Variants in NUP214 observed in about 807,000 individuals in gnomAD.
The protein encoded by NUP214 is nucleoporin 214.
In NUP214, 79 loss-of-function variants were observed where a neutral mutation model predicts 196.2. The ratio of observed to expected loss-of-function variants is 0.40; its 90% CI spans 0.34 to 0.49. The LOEUF (loss-of-function observed/expected upper bound fraction) is 0.49. Ranked by LOEUF, NUP214 falls within the 20% of genes least tolerant of loss-of-function variation. NUP214 has a pLI of 0.58. For synonymous variants in NUP214, 1,020 were observed against 990.5 expected (o/e 1.03, Z -0.56); for missense variants, 2,468 against 2,539.0 (o/e 0.97, Z 0.60).
chr9:131,233,293 G>A (rs534211945), intron 35 of NUP214, among the ~76,000 whole-genome samples, 161 bp from the exon 36 acceptor site: 49 of 151,912 alleles, frequency 3.2e-4, no homozygotes, highest in African/African-American at 1.2e-3. Flanking sequence ...CTGAGATCAC[G>A]CCACTGCACT....
chr9:131,153,835 T>C (rs1044306020), intron 17 of NUP214, among the ~76,000 whole-genome samples: 3 of 152,202 alleles, frequency 2.0e-5, no homozygotes, highest in African/African-American at 7.2e-5. Flanking sequence ...CATGCAGGTT[T>C]ACAATTCACT....
chr9:131,190,194 G>A (rs142087412), intron 26 of NUP214: 177 of 392,500 alleles, frequency 4.5e-4, no homozygotes, highest in African/African-American at 3.5e-3. Context: ...TTCTCGACCG[G>A]GGCCTAAAGC....
At position 131,146,227 on chromosome 9, in the gene NUP214, C is replaced by A; in HGVS notation, c.1868C>A (p.Pro623Gln). 1 of 1,614,164 alleles carries A rather than the reference C, an allele frequency of 6.2e-7. No individual in the cohort carries two copies. The highest frequency in any genetic ancestry group is 8.5e-7 in the Non-Finnish European group (1 of 1,180,028). ...SSASKPAASG[P>Q]LSHPTPLSAP... ...GCCTCCAAGCCAGCTGCTTCTGGAC[C>A]ACTCAGCCACCCCACACCTCTCTCA... The change falls in exon 13 of 36, where the codon CCA becomes CAA. Residue 623 changes from proline (P) to glutamine (Q), a missense_variant. By Grantham distance (76) the Pro-to-Gln change is moderately conservative (BLOSUM62 -1). Coordinates refer to ENST00000359428, the MANE Select transcript of NUP214 (RefSeq NM_005085.4). This position sits in a 1 kb window ranked among gnomAD's most constrained non-coding sequence, Gnocchi z 4.6.
intron 17 of NUP214, among the ~76,000 whole-genome samples, chr9:131,152,684 G>A (rs980885266): frequency 9.2e-5 from 14 of 152,080 alleles, no homozygotes; most frequent in African/African-American, 3.4e-4. Context: ...TAAGTAGCTT[G>A]TCCAAAGTCA....
In NUP214 at chr9:131,198,109, A is replaced by G; in HGVS notation, c.4615A>G (p.Lys1539Glu). 6.2e-7 allele frequency: 1 copy of G among 1,614,186 alleles called. No homozygotes were observed. Among genetic ancestry groups the G allele is most frequent in the Non-Finnish European group, 8.5e-7 (1 of 1,180,032 alleles). Reference sequence around the variant, plus strand: ...TCCGCAAACTTCTGACTCTGTTAAAAAAGAACCTGTTCTTGCCCAGCCTGC... The same window carrying G: ...TCCGCAAACTTCTGACTCTGTTAAAGAAGAACCTGTTCTTGCCCAGCCTGC... The part of the protein sequence containing the change: ...APPQTSDSVK[K>E]EPVLAQPAVS... Residue 1539 changes from lysine (K) to glutamate (E), a missense_variant, in exon 29 of 36, where the codon AAA becomes GAA. Coordinates refer to ENST00000359428, the MANE Select transcript of NUP214 (RefSeq NM_005085.4).
intron 31 of NUP214, among the ~76,000 whole-genome samples, chr9:131,218,693 C>T (rs1236197703): frequency 6.6e-6 from 1 of 152,118 alleles, no homozygotes; most frequent in African/African-American, 2.4e-5. Flanking sequence ...CATGCCAAAC[C>T]CGAGTCTTAA....
chr9:131,128,932 G>A (rs1831446161), intron 3 of NUP214: 1 of 338,198 alleles, frequency 3.0e-6, no homozygotes, highest in South Asian at 2.8e-5. Flanking sequence ...TATAGGTAGA[G>A]AAACAGGCTC....
chr9:131,233,622 A>C lies in NUP214; in HGVS notation c.*135A>C. On this transcript the variant is annotated 3_prime_UTR_variant, in exon 36 of 36. Transcript: ENST00000359428. ...CACCCAGAAAGAAACAACAGAAACC[A>C]AAACTCACAAGGCGCATGATTACTT... 3.3e-6 allele frequency: 3 copies of C among 917,388 alleles called. No individual in the cohort carries two copies. Among genetic ancestry groups the C allele is most frequent in the Non-Finnish European group, 5.2e-6 (3 of 577,792 alleles). The allele number at this position is 917,388 out of a possible 1,614,324, so 56.8% of individuals were successfully genotyped here.
intron 10 of NUP214, among the ~76,000 whole-genome samples, chr9:131,139,929 A>G (rs184978875): frequency 2.4e-4 from 37 of 152,324 alleles, no homozygotes; most frequent in Admixed American, 7.8e-4. Flanking sequence ...AAAGTGCCAC[A>G]AAAGAAACAG....
chr9:131,233,788 G>C lies in NUP214; in HGVS notation c.*301G>C. The C allele has an allele frequency of 2.2e-6, 1 of 458,624 alleles. No homozygotes were observed. The highest frequency in any genetic ancestry group is 3.9e-5 in the East Asian group (1 of 25,606). 28.4% of individuals were successfully genotyped at this position (458,624 alleles called of 1,614,324 possible). A position where few individuals can be genotyped will look rare whatever the true frequency, so the allele number is the denominator to read the frequency against. Reference sequence around the variant, plus strand: ...TGAGAAGCCAGCAGAGCCTCCATCAGCCAGAACACTGTGTCTTCAAGGATG... The same window carrying C: ...TGAGAAGCCAGCAGAGCCTCCATCACCCAGAACACTGTGTCTTCAAGGATG... On this transcript the variant is annotated 3_prime_UTR_variant, in exon 36 of 36. Transcript: ENST00000359428.
chr9:131,195,385 C>A, intron 28 of NUP214, 91 bp downstream of exon 28: 1 of 1,020,566 alleles, frequency 9.8e-7, no homozygotes, highest in Non-Finnish European at 1.6e-6. Context: ...TTGACTTGTT[C>A]CTGAATCTTA....
chr9:131,180,065 A>G (rs1460190715), intron 24 of NUP214, among the ~76,000 whole-genome samples: 1 of 152,228 alleles, frequency 6.6e-6, no homozygotes, highest in Non-Finnish European at 1.5e-5. Context: ...CCTTTTCTCA[A>G]GCTTCATTTC....
chr9:131,172,434 A>G (rs182420930), intron 21 of NUP214, among the ~76,000 whole-genome samples: 1 of 152,036 alleles, frequency 6.6e-6, no homozygotes, highest in Non-Finnish European at 1.5e-5. Flanking sequence ...GTTTGAGTTC[A>G]TTGTAGATTC....
intron 27 of NUP214, among the ~76,000 whole-genome samples, chr9:131,193,409 T>C (rs1833667968): frequency 6.6e-6 from 1 of 152,070 alleles, no homozygotes; most frequent in African/African-American, 2.4e-5. Flanking sequence ...AATATATTTT[T>C]TGAGTGTCCT....
intron 17 of NUP214, among the ~76,000 whole-genome samples, chr9:131,154,858 C>T (rs1376811169): frequency 6.6e-6 from 1 of 152,120 alleles, no homozygotes; most frequent in Non-Finnish European, 1.5e-5. Flanking sequence ...CGCGCACGCT[C>T]GCGTGTGTGT....
chr9:131,192,968 A>G (rs1054771790), intron 27 of NUP214, among the ~76,000 whole-genome samples: 2 of 146,800 alleles, frequency 1.4e-5, no homozygotes, highest in Non-Finnish European at 1.5e-5. Flanking sequence ...AAAAAAAAAA[A>G]GGCTTACTGC....
At chr9:131,202,665 T>C (rs760910113) in intron 30 of NUP214, among the ~76,000 whole-genome samples, 39 of 152,042 alleles carry the variant, frequency 2.6e-4, no homozygotes, top group South Asian at 6.2e-4. Context: ...GTCTCTTAAC[T>C]CCTGAGCTCA....
chr9:131,141,333 T>C (rs1324565561), intron 11 of NUP214, among the ~76,000 whole-genome samples: 1 of 152,166 alleles, frequency 6.6e-6, no homozygotes, highest in Non-Finnish European at 1.5e-5. Flanking sequence ...TAGATGTTTA[T>C]TGAAGGAAAA....
rs899817471 is a variant in NUP214, at chr9:131,232,145, T to C, written c.6215-139T>C. 1.2e-6 allele frequency: 1 copy of C among 814,400 alleles called. No individual in the cohort carries two copies. The highest frequency in any genetic ancestry group is 2.3e-4 in the Middle Eastern group (1 of 4,406). The allele number at this position is 814,400 out of a possible 1,614,324, so 50.4% of individuals were successfully genotyped here. ...AATAAAGGGGCTTCTGTGTGTACCTTTCCTGCCTTCCTGTAGGTGGTGGAG... is the reference window on the plus strand; with the variant it reads ...AATAAAGGGGCTTCTGTGTGTACCTCTCCTGCCTTCCTGTAGGTGGTGGAG... On this transcript the variant is annotated intron_variant, in intron 34 of 35. Coordinates refer to ENST00000359428, the MANE Select transcript of NUP214 (RefSeq NM_005085.4). The surrounding 1 kb of genome is among the most constrained non-coding windows in gnomAD (Gnocchi z 5.1).
Sources: gnomAD v4.1 joint callset for allele counts (sites outside exome capture counted in the v4.1 genomes callset) on GRCh38, gnomAD v4.1.1 for gene constraint, Gnocchi (gnomAD v3.1) non-coding constraint, MANE v1.5 for transcripts, NCBI Gene and HGNC (gene_info 2026-07-23, HGNC 2026-07-21) for gene names.